Variants in ADCY1 observed in about 807,000 individuals in gnomAD.
ADCY1 encodes the protein adenylate cyclase 1.
A neutral mutation model predicts 105.4 loss-of-function variants in ADCY1; 28 were observed. The ratio of observed to expected loss-of-function variants is 0.27; its 90% CI spans 0.20 to 0.36. The LOEUF (loss-of-function observed/expected upper bound fraction) is 0.36, where lower values mean the gene tolerates loss of function less well. ADCY1 is among the 10% of genes least tolerant of loss of function. ADCY1 has a pLI of 1.00. For missense variants in ADCY1, 977 were observed against 1,434.2 expected (o/e 0.68, Z 5.15); for synonymous variants, 655 against 623.8 (o/e 1.05, Z -0.75).
At chr7:45,612,833 G>A (rs1485600577) in intron 3 of ADCY1, among the ~76,000 whole-genome samples, 4 of 152,194 alleles carry the variant, frequency 2.6e-5, no homozygotes, top group Non-Finnish European at 4.4e-5. Context: ...GTAGTCTGGG[G>A]TGATAGATAC....
At chr7:45,609,306 C>T (rs2115855430) in intron 2 of ADCY1, among the ~76,000 whole-genome samples, 1 of 152,298 alleles carries the variant, frequency 6.6e-6, no homozygotes, top group Non-Finnish European at 1.5e-5. Context: ...ACTCCCAGGG[C>T]TGTGCCCGGC....
intron 3 of ADCY1, among the ~76,000 whole-genome samples, chr7:45,612,603 T>C (rs1793620954): frequency 6.6e-6 from 1 of 152,140 alleles, no homozygotes; most frequent in Admixed American, 6.5e-5. Flanking sequence ...GTCAAGAGCC[T>C]TTTGACAGCT....
At chr7:45,580,870 ACC>A (rs1055532526) in intron 1 of ADCY1, among the ~76,000 whole-genome samples, 2 of 152,022 alleles carry the variant, frequency 1.3e-5, no homozygotes, top group African/African-American at 4.8e-5. Flanking sequence ...TGCCACTGTC[ACC>A]ACTGGCTTTT....
chr7:45,610,066 AGGTTGGGGCCCT>A (rs1159259268), intron 2 of ADCY1, among the ~76,000 whole-genome samples: 3 of 152,122 alleles, frequency 2.0e-5, no homozygotes, highest in Admixed American at 2.0e-4. Flanking sequence ...GAGAGAAGCC[AGGTTGGGGCCCT>A]GGTGGAGACA....
intron 4 of ADCY1, among the ~76,000 whole-genome samples, chr7:45,637,795 A>T (rs1794432040): frequency 6.6e-6 from 1 of 152,220 alleles, no homozygotes. Flanking sequence ...GAACTCTTTC[A>T]GTTTTCGTAC....
chr7:45,638,481 C>CTT (rs34719678), intron 4 of ADCY1, among the ~76,000 whole-genome samples: 5 of 132,744 alleles, frequency 3.8e-5, no homozygotes, highest in East Asian at 2.3e-4. Flanking sequence ...CAGTTTGCTC[C>CTT]TTTTTTTTTT....
At position 45,599,873 on chromosome 7, in the gene ADCY1, A is replaced by G. The variant is rs565973093; in HGVS notation, c.789+6965A>G. ...ACTCCTGACCTCCTGTGATCTGCCCATCTCAGCCTCCCAAAGTGCCAAGAT... is the reference window on the plus strand; with the variant it reads ...ACTCCTGACCTCCTGTGATCTGCCCGTCTCAGCCTCCCAAAGTGCCAAGAT... On this transcript the variant is annotated intron_variant, in intron 2 of 19. Coordinates refer to ENST00000297323, the MANE Select transcript of ADCY1 (RefSeq NM_021116.4). Among the ~76,000 whole-genome samples the G allele has an allele frequency of 3.9e-5, 6 of 152,286 alleles. No individual in the cohort carries two copies. The South Asian group carries it at 1.0e-3, about 26-fold the overall frequency.
intron 4 of ADCY1, among the ~76,000 whole-genome samples, chr7:45,639,874 G>GA (rs1794491980): frequency 1.3e-5 from 2 of 152,268 alleles, no homozygotes; most frequent in South Asian, 4.1e-4. Flanking sequence ...AATCCTGTGG[G>GA]ATATGCTGAG....
Position 45,718,668 on chromosome 7 carries a change from C to T in ADCY1, c.*4673C>T, listed in dbSNP as rs1390347574. The T allele has an allele frequency of 6.6e-6, 1 of 152,294 alleles. No homozygotes were observed. The highest frequency in any genetic ancestry group is 2.1e-4 in the South Asian group (1 of 4,830). 9.4% of individuals were successfully genotyped at this position (152,294 alleles called of 1,614,324 possible). A position where few individuals can be genotyped will look rare whatever the true frequency, so the allele number is the denominator to read the frequency against. ...GGGAAATGGAGTTGCTTCAACCTTT[C>T]TCAGTCCCGGCCCTCACTGCACCCA... is the stretch of plus-strand genomic sequence containing the variant. On this transcript the variant is annotated 3_prime_UTR_variant, in exon 20 of 20. Transcript: ENST00000297323.
intron 2 of ADCY1, among the ~76,000 whole-genome samples, chr7:45,601,417 T>C (rs1405236711): frequency 6.6e-6 from 1 of 152,252 alleles, no homozygotes; most frequent in East Asian, 1.9e-4. Flanking sequence ...GGCGGTGGTA[T>C]CCATACCTGA....
intron 1 of ADCY1, among the ~76,000 whole-genome samples, chr7:45,587,450 G>T (rs976745965): frequency 1.3e-5 from 2 of 152,294 alleles, no homozygotes; most frequent in Non-Finnish European, 1.5e-5. Flanking sequence ...TTAGAGAGAA[G>T]TTGGTGGCAT....
At position 45,592,784 on chromosome 7, in the gene ADCY1, T is replaced by A. The variant is rs772459101; in HGVS notation, c.665T>A (p.Val222Asp). 1 of 1,614,200 alleles carries A rather than the reference T, an allele frequency of 6.2e-7. No individual in the cohort carries two copies. Reference sequence around the variant, plus strand: ...CTCGGTGCCAATGCCTTGCTCTTCGTCGGTGTGAACATGTATGGGGTCTTT... The same window carrying A: ...CTCGGTGCCAATGCCTTGCTCTTCGACGGTGTGAACATGTATGGGGTCTTT... Reference protein sequence around the residue: ...RTLGANALLFVGVNMYGVFVR... With the variant: ...RTLGANALLFDGVNMYGVFVR... Residue 222 changes from valine (V) to aspartate (D), a missense_variant, in exon 2 of 20, where the codon GTC (valine) becomes GAC (aspartate). By Grantham distance (152) the Val-to-Asp change is radical. This residue lies in a region of ADCY1 where 196 missense variants were observed against 347.8 expected (regional missense o/e 0.56). Coordinates refer to ENST00000297323, the MANE Select transcript of ADCY1 (RefSeq NM_021116.4).
intron 14 of ADCY1, among the ~76,000 whole-genome samples, chr7:45,690,006 G>A (rs1220366438): frequency 1.3e-5 from 2 of 152,234 alleles, no homozygotes; most frequent in East Asian, 1.9e-4. Flanking sequence ...AAGGGAGGGC[G>A]ATAGGACCCG....
intron 3 of ADCY1, among the ~76,000 whole-genome samples, chr7:45,619,113 A>C (rs1357719625): frequency 6.6e-6 from 1 of 152,204 alleles, no homozygotes; most frequent in African/African-American, 2.4e-5. Flanking sequence ...CCAGTCATTG[A>C]AAGATAAATA....
chr7:45,617,352 G>C (rs181259554), intron 3 of ADCY1, among the ~76,000 whole-genome samples: 1 of 152,178 alleles, frequency 6.6e-6, no homozygotes, highest in Admixed American at 6.5e-5. Flanking sequence ...AGTTGGGTGC[G>C]GGCTTGTATG....
intron 1 of ADCY1, among the ~76,000 whole-genome samples, chr7:45,578,554 G>C (rs1468910869): frequency 6.6e-6 from 1 of 152,198 alleles, no homozygotes; most frequent in East Asian, 1.9e-4. Flanking sequence ...GGACCATGGG[G>C]TATTAGGAAG....
intron 4 of ADCY1, among the ~76,000 whole-genome samples, chr7:45,640,116 G>A (rs1045139693): frequency 1.3e-5 from 2 of 152,198 alleles, no homozygotes; most frequent in Non-Finnish European, 2.9e-5. Context: ...CCTGGTCATA[G>A]ATGACAAGGC....
chr7:45,609,187 C>T (rs1584266441), intron 2 of ADCY1, among the ~76,000 whole-genome samples: 1 of 152,354 alleles, frequency 6.6e-6, no homozygotes, highest in South Asian at 2.1e-4. Flanking sequence ...ACTGTGGCTG[C>T]TCCTATGGCT....
chr7:45,587,945 C>T (rs1792781784), intron 1 of ADCY1, among the ~76,000 whole-genome samples: 1 of 152,154 alleles, frequency 6.6e-6, no homozygotes, highest in Non-Finnish European at 1.5e-5. Flanking sequence ...CCATTTTGTG[C>T]TTTTCCAAAG....
Sources: gnomAD v4.1 joint callset for allele counts (sites outside exome capture counted in the v4.1 genomes callset) on GRCh38, gnomAD v4.1.1 for gene constraint, gnomAD v4.1.1 regional missense constraint, MANE v1.5 for transcripts, NCBI Gene and HGNC (gene_info 2026-07-23, HGNC 2026-07-21) for gene names.